CAP2: variants seen among roughly 807,000 people sequenced by gnomAD.
The protein encoded by CAP2 is adenylyl cyclase-associated protein 2.
CAP2 carries 24 observed loss-of-function variants against 57.7 expected under a neutral mutation model. The observed-to-expected ratio is 0.42, with a 90% CI of 0.30 to 0.58. The LOEUF is 0.58. Among genes scored for constraint, CAP2 ranks in the 20% least tolerant of loss-of-function variants. The pLI is 0.22. For missense variants in CAP2, 501 were observed against 590.3 expected, an observed-to-expected ratio of 0.85 and a Z score of 1.57; for synonymous variants, 194 against 207.2, an observed-to-expected ratio of 0.94 and a Z score of 0.55.
chr6:17,527,005 G>T (rs1316469556), intron 7 of CAP2, among the ~76,000 whole-genome samples: 1 of 150,666 alleles, frequency 6.6e-6, no homozygotes, highest in Non-Finnish European at 1.5e-5. Flanking sequence ...CCTGGCCACG[G>T]TTTATTGGTC....
intron 8 of CAP2, among the ~76,000 whole-genome samples, chr6:17,540,606 G>T (rs1762876216): frequency 6.6e-6 from 1 of 152,086 alleles, no homozygotes; most frequent in Non-Finnish European, 1.5e-5. Context: ...ACAAAAATTA[G>T]CTAAGCGTGT....
chr6:17,424,332 G>A (rs1334047086), intron 2 of CAP2, among the ~76,000 whole-genome samples: 1 of 152,092 alleles, frequency 6.6e-6, no homozygotes, highest in African/African-American at 2.4e-5. Context: ...CCCGGGAGGC[G>A]GAGCTTGCAG....
At chr6:17,480,558 T>C (rs1761262376) in intron 4 of CAP2, among the ~76,000 whole-genome samples, 1 of 152,070 alleles carries the variant, frequency 6.6e-6, no homozygotes, top group Non-Finnish European at 1.5e-5. Context: ...GAACACTGCA[T>C]AGGGATTGGG....
rs181098802 is a variant in CAP2 at position 17,397,206 on chromosome 6, C to T, written c.-2+3460C>T. The stretch of plus-strand genomic sequence containing the variant: ...TCCTGAGTAGCTGGGATTACAGACG[C>T]GGGCCACCATGCCTGGCTAATTTTT... On this transcript the variant is annotated intron_variant, in intron 1 of 12. Transcript: ENST00000229922. Among the ~76,000 whole-genome samples the T allele has an allele frequency of 3.1e-3, 468 of 152,004 alleles. 2 individuals carry two copies. Among genetic ancestry groups the T allele is most frequent in the Non-Finnish European group, 4.7e-3 (322 of 67,982 alleles).
chr6:17,394,457 G>A (rs1758621345), intron 1 of CAP2, among the ~76,000 whole-genome samples: 1 of 152,116 alleles, frequency 6.6e-6, no homozygotes, highest in African/African-American at 2.4e-5. Context: ...TCATCAGAGT[G>A]GTGTTCGCTG....
At chr6:17,417,356 G>C (rs1759309400) in intron 1 of CAP2, among the ~76,000 whole-genome samples, 1 of 149,058 alleles carries the variant, frequency 6.7e-6, no homozygotes, top group Non-Finnish European at 1.5e-5. Flanking sequence ...GCTCACTGCA[G>C]CCTCGACCTC....
At chr6:17,487,217 C>T (rs1400800998) in intron 4 of CAP2, among the ~76,000 whole-genome samples, 1 of 152,168 alleles carries the variant, frequency 6.6e-6, no homozygotes. Context: ...CTCCCATCCC[C>T]CTTGCTGTGG....
intron 3 of CAP2, among the ~76,000 whole-genome samples, chr6:17,457,065 C>A (rs540716345): frequency 2.4e-4 from 37 of 152,334 alleles, no homozygotes; most frequent in Middle Eastern, 3.4e-3. Flanking sequence ...CCTAAGACCA[C>A]ACGGCAATAG....
At chr6:17,454,186 G>C (rs1201510665) in intron 3 of CAP2, among the ~76,000 whole-genome samples, 2 of 151,918 alleles carry the variant, frequency 1.3e-5, no homozygotes, top group South Asian at 2.1e-4. Flanking sequence ...CTGGGATTAC[G>C]GGCATGAGCC....
At chr6:17,556,301 TTAGTTTAAATAACTTTGTTG>T (rs1169381481) in intron 12 of CAP2, 38 bp from the exon 13 acceptor site, 5 of 1,230,874 alleles carry the variant, frequency 4.1e-6, no homozygotes, top group South Asian at 1.2e-5. Flanking sequence ...AAAGGAAGCC[TTAGTTTAAATAACTTTGTTG>T]TAGTTTAAAT....
intron 4 of CAP2, among the ~76,000 whole-genome samples, chr6:17,473,513 T>C (rs1268377964): frequency 6.6e-6 from 1 of 152,216 alleles, no homozygotes; most frequent in Non-Finnish European, 1.5e-5. Context: ...CACTGTGTCA[T>C]TCAACAAATC....
At chr6:17,418,584 CCTT>C (rs1759348579) in intron 1 of CAP2, among the ~76,000 whole-genome samples, 1 of 152,308 alleles carries the variant, frequency 6.6e-6, no homozygotes, top group East Asian at 1.9e-4. Context: ...ATGTAACAGG[CCTT>C]CTCAAGACAG....
At chr6:17,524,999 C>T (rs943353942) in intron 7 of CAP2, among the ~76,000 whole-genome samples, 9 of 150,140 alleles carry the variant, frequency 6.0e-5, no homozygotes, top group Admixed American at 2.0e-4. Flanking sequence ...CGTGTTCAAG[C>T]GATTCTCCTG....
chr6:17,496,419 C>G (rs1433628489), intron 4 of CAP2, among the ~76,000 whole-genome samples: 1 of 152,156 alleles, frequency 6.6e-6, no homozygotes, highest in Non-Finnish European at 1.5e-5. Context: ...CCAGGAAGCA[C>G]GGCTCATGTT....
At chr6:17,428,444 A>G (rs1759644630) in intron 3 of CAP2, among the ~76,000 whole-genome samples, 1 of 152,158 alleles carries the variant, frequency 6.6e-6, no homozygotes, top group Non-Finnish European at 1.5e-5. Flanking sequence ...GTCTACCTAT[A>G]GATTTCTCAG....
chr6:17,405,377 A>G (rs1191727250), intron 1 of CAP2, among the ~76,000 whole-genome samples: 1 of 152,128 alleles, frequency 6.6e-6, no homozygotes, highest in African/African-American at 2.4e-5. Flanking sequence ...GTGAGACCCC[A>G]TCTCAAAATT....
At chr6:17,420,061 G>A (rs145923787) in intron 1 of CAP2, among the ~76,000 whole-genome samples, 255 of 151,994 alleles carry the variant, frequency 1.7e-3, no homozygotes, top group African/African-American at 5.9e-3. Flanking sequence ...TAGTAGAGAC[G>A]GGGTTTCACC....
intron 6 of CAP2, among the ~76,000 whole-genome samples, chr6:17,509,883 A>G (rs1225645142): frequency 6.6e-6 from 1 of 152,166 alleles, no homozygotes; most frequent in East Asian, 1.9e-4. Context: ...TTATTTGGCC[A>G]TAAAAAAAAA....
chr6:17,446,582 T>C (rs74508621), intron 3 of CAP2, among the ~76,000 whole-genome samples: 4,011 of 152,276 alleles, frequency 0.026, 201 homozygotes, highest in African/African-American at 0.09. Context: ...AAAAATAAAT[T>C]CTGGAGGGAT....
Sources: allele counts gnomAD v4.1 joint callset (sites outside exome capture counted in the v4.1 genomes callset), GRCh38; gene constraint gnomAD v4.1.1; transcripts MANE v1.5; gene names NCBI Gene and HGNC (gene_info 2026-07-23, HGNC 2026-07-21).